The following WDR64 variants were observed in gnomAD, a reference collection of about 807,000 sequenced individuals.
The protein encoded by WDR64 is WD repeat-containing protein 64.
A neutral mutation model predicts 139.3 loss-of-function variants in WDR64; 112 were observed. That is an observed-to-expected ratio of 0.80 (90% CI 0.69 to 0.94). WDR64 has a LOEUF of 0.94. Among genes scored for constraint, WDR64 ranks in the 40% least tolerant of loss-of-function variants. WDR64 has a pLI of 0.00. For synonymous variants in WDR64, 444 were observed against 437.7 expected (o/e 1.01, Z -0.18); for missense variants, 1,206 against 1,293.1 (o/e 0.93, Z 1.03).
At chr1:241,654,111 C>A (rs1178989080) in intron 1 of WDR64, among the ~76,000 whole-genome samples, 8 of 152,192 alleles carry the variant, frequency 5.3e-5, no homozygotes. Flanking sequence ...CTCAAACCCC[C>A]CTTTTCCACT....
chr1:241,781,923 G>T (rs1188324779), intron 22 of WDR64, among the ~76,000 whole-genome samples: 4 of 152,244 alleles, frequency 2.6e-5, no homozygotes, highest in Non-Finnish European at 5.9e-5. Flanking sequence ...TACAGTCAGT[G>T]TTAGAGAATG....
At position 241,774,294 on chromosome 1, in the gene WDR64, C is replaced by G. The variant is rs116096198; in HGVS notation, c.2431-811C>G. On this transcript the variant is annotated intron_variant, in intron 20 of 27. Coordinates refer to ENST00000437684, the MANE Select transcript of WDR64 (RefSeq NM_001367482.1). ...GTGTACCAGTAGATCCTAGCTTATT[C>G]GTGAAAACAACCCTGGTTTGAAAAT... Among the ~76,000 whole-genome samples the G allele has an allele frequency of 4.8e-3, 733 of 152,254 alleles. 8 individuals are homozygous for G. Among genetic ancestry groups the G allele is most frequent in the African/African-American group, 0.017 (698 of 41,544 alleles).
intron 19 of WDR64, 126 bp from the exon 20 acceptor site, chr1:241,772,666 T>G (rs995256456): frequency 3.1e-5 from 30 of 958,952 alleles, no homozygotes; most frequent in Non-Finnish European, 4.4e-5. Context: ...TTTCACCATG[T>G]TGGCCAGGCT....
intron 8 of WDR64, 70 bp downstream of exon 8, chr1:241,687,665 C>G (rs2148118303): frequency 1.4e-6 from 2 of 1,452,298 alleles, no homozygotes; most frequent in Non-Finnish European, 9.3e-7. Context: ...AAAACCATGA[C>G]AGCTTTGAAA....
At chr1:241,702,883 G>C (rs1020587156) in intron 8 of WDR64, among the ~76,000 whole-genome samples, 6 of 152,158 alleles carry the variant, frequency 3.9e-5, no homozygotes, top group Admixed American at 3.9e-4. Flanking sequence ...GAGTAGTTCT[G>C]ACAACAGAGA....
chr1:241,743,752 AATG>A (rs539033323), intron 12 of WDR64, among the ~76,000 whole-genome samples: 104 of 152,306 alleles, frequency 6.8e-4, no homozygotes, highest in African/African-American at 2.5e-3. Context: ...AGAGAGAGAT[AATG>A]ATGACTCTTG....
At chr1:241,745,090 A>C (rs1449579697) in intron 13 of WDR64, among the ~76,000 whole-genome samples, 1 of 152,224 alleles carries the variant, frequency 6.6e-6, no homozygotes, top group African/African-American at 2.4e-5. Flanking sequence ...GACTTCCAGG[A>C]ACTGAAGAGC....
At chr1:241,759,706 T>A (rs867315518) in intron 15 of WDR64, among the ~76,000 whole-genome samples, 5 of 152,298 alleles carry the variant, frequency 3.3e-5, no homozygotes, top group Middle Eastern at 3.4e-3. Context: ...TCTTTTTTTT[T>A]AAATTGTGGT....
At chr1:241,772,451 C>CTT (rs534177884) in intron 19 of WDR64, among the ~76,000 whole-genome samples, 1,346 of 58,954 alleles carry the variant, frequency 0.023, 277 homozygotes, top group South Asian at 0.027. Context: ...AAGATAGATC[C>CTT]TTTTTTTTTT....
intron 10 of WDR64, among the ~76,000 whole-genome samples, chr1:241,723,996 A>C (rs1373718922): frequency 6.6e-6 from 1 of 152,018 alleles, no homozygotes; most frequent in Admixed American, 6.6e-5. Context: ...AAATAAATAA[A>C]TGTCTATATA....
At position 241,723,477 on chromosome 1, in the gene WDR64, G is replaced by A. The variant is rs536574460; in HGVS notation, c.1194+41G>A. The stretch of plus-strand genomic sequence containing the variant: ...TAACAAAACAAAACTAGTTTTTTCC[G>A]GAAAATTATCTGTTGGAAGGCATAG... On this transcript the variant is annotated intron_variant, in intron 10 of 27. Transcript: ENST00000437684. 1,598 of 1,598,430 alleles carry A rather than the reference G, an allele frequency of 1.0e-3. 19 individuals are homozygous for A. In the South Asian group the frequency reaches 0.017, roughly 17 times the overall value.
chr1:241,775,029 A>G (rs1220156102), intron 20 of WDR64, 76 bp from the exon 21 acceptor site: 2 of 1,169,094 alleles, frequency 1.7e-6, no homozygotes, highest in Non-Finnish European at 2.4e-6. Context: ...TTACATAGAA[A>G]AATCAATTTC....
At chr1:241,713,101 G>A (rs924299944) in intron 9 of WDR64, among the ~76,000 whole-genome samples, 4 of 151,510 alleles carry the variant, frequency 2.6e-5, no homozygotes, top group Non-Finnish European at 2.9e-5. Context: ...GAGCCCAGGA[G>A]CTCAAGACTA....
chr1:241,720,032 T>C (rs1346653789), intron 9 of WDR64, among the ~76,000 whole-genome samples: 1 of 152,162 alleles, frequency 6.6e-6, no homozygotes, highest in African/African-American at 2.4e-5. Flanking sequence ...CAGCTCCCAC[T>C]TATAAGTGAG....
At chr1:241,712,943 CAAT>C (rs1331752554) in intron 9 of WDR64, among the ~76,000 whole-genome samples, 2 of 151,782 alleles carry the variant, frequency 1.3e-5, no homozygotes, top group African/African-American at 4.8e-5. Context: ...ACAACAACAA[CAAT>C]AGCAACAAAA....
At chr1:241,754,880 C>A (rs1670122397) in intron 14 of WDR64, among the ~76,000 whole-genome samples, 1 of 152,112 alleles carries the variant, frequency 6.6e-6, no homozygotes, top group South Asian at 2.1e-4. Context: ...TCATCCATAA[C>A]CCTGCAAAGG....
At chr1:241,761,855 A>C (rs1463226605) in intron 15 of WDR64, among the ~76,000 whole-genome samples, 4 of 152,178 alleles carry the variant, frequency 2.6e-5, no homozygotes, top group Non-Finnish European at 4.4e-5. Flanking sequence ...TTTTATCGTG[A>C]GATTGCAGCA....
chr1:241,720,676 G>A (rs1036073904), intron 9 of WDR64, among the ~76,000 whole-genome samples: 1 of 152,066 alleles, frequency 6.6e-6, no homozygotes. Context: ...ATTTGTTTAA[G>A]TTCCTATAGA....
chr1:241,796,723 ACCT>A (rs1659379027), intron 27 of WDR64, among the ~76,000 whole-genome samples: 1 of 152,108 alleles, frequency 6.6e-6, no homozygotes, highest in Non-Finnish European at 1.5e-5. Flanking sequence ...CGAACTCCTG[ACCT>A]CAGGTGATCC....
Sources: gnomAD v4.1 joint callset for allele counts (sites outside exome capture counted in the v4.1 genomes callset) on GRCh38, gnomAD v4.1.1 for gene constraint, MANE v1.5 for transcripts, NCBI Gene and HGNC (gene_info 2026-07-23, HGNC 2026-07-21) for gene names.